The following CSMD1 variants were observed in gnomAD, a reference collection of about 807,000 sequenced individuals.
CSMD1 encodes CUB and Sushi multiple domains 1, also known as CUB and sushi domain-containing protein 1.
In CSMD1, 213 loss-of-function variants were observed where a neutral mutation model predicts 417.5. The ratio of observed to expected loss-of-function variants is 0.51; its 90% CI spans 0.46 to 0.57. The LOEUF is 0.57. CSMD1 is among the 20% of genes least tolerant of loss of function. The probability of loss-of-function intolerance (pLI) is 0.00; values close to 1 mark genes in which losing one functional copy is unlikely to be tolerated. For synonymous variants in CSMD1, 2,862 were observed against 1,736.8 expected (o/e 1.65, Z -16.11); for missense variants, 6,923 against 4,529.7 (o/e 1.53, Z -15.17).
At position 3,387,602 on chromosome 8, in the gene CSMD1, T is replaced by C; in HGVS notation, c.2674A>G (p.Arg892Gly). 2 of 1,601,770 alleles carry C rather than the reference T, an allele frequency of 1.2e-6. No individual in the cohort carries two copies. The highest frequency in any genetic ancestry group is 1.7e-6 in the Non-Finnish European group (2 of 1,174,106). ...TCACAGCTGAAAGTCACTGTGGACCTGATGCCAAAGTCTCCACCGTGGCGA... is the reference window on the plus strand; with the variant it reads ...TCACAGCTGAAAGTCACTGTGGACCCGATGCCAAAGTCTCCACCGTGGCGA... ...GHRHGGDFGI[R>G]STVTFSCDPG... Residue 892 changes from arginine (R) to glycine (G), a missense_variant, in exon 18 of 70, where the codon AGG becomes GGG. Physicochemically the swap from Arg to Gly is moderately radical, Grantham distance 125. Coordinates refer to ENST00000635120, the MANE Select transcript of CSMD1 (RefSeq NM_033225.6).
At chr8:3,677,108 A>G (rs12676229) in intron 7 of CSMD1, among the ~76,000 whole-genome samples, 66,327 of 151,878 alleles carry the variant, frequency 0.44, 14,732 homozygotes, top group Admixed American at 0.56. Flanking sequence ...ACCATGACAC[A>G]TGTAGTTCTA....
chr8:3,681,586 G>C (rs1347566080), intron 7 of CSMD1, among the ~76,000 whole-genome samples: 1 of 152,088 alleles, frequency 6.6e-6, no homozygotes, highest in South Asian at 2.1e-4. Flanking sequence ...GATAGGAAGA[G>C]TAAATATCGT....
chr8:3,316,576 C>A lies in CSMD1; in HGVS notation c.3632-8073G>T, dbSNP rs76036596. Reference sequence around the variant, plus strand: ...GGTCTAGGGGCCTCCTGGACGCCATCCACTCAGAGGGAGAACAGTCCAGGT... The same window carrying A: ...GGTCTAGGGGCCTCCTGGACGCCATACACTCAGAGGGAGAACAGTCCAGGT... On this transcript the variant is annotated intron_variant, in intron 23 of 69. Coordinates refer to ENST00000635120, the MANE Select transcript of CSMD1 (RefSeq NM_033225.6). Among the ~76,000 whole-genome samples the A allele has an allele frequency of 2.0e-3, 299 of 152,272 alleles. 6 individuals are homozygous for A. The East Asian group carries it at 0.046, about 23-fold the overall frequency.
chr8:4,304,011 G>A (rs1051988068), intron 3 of CSMD1, among the ~76,000 whole-genome samples: 5 of 152,036 alleles, frequency 3.3e-5, no homozygotes, highest in Non-Finnish European at 5.9e-5. Context: ...TCTAGGAAGC[G>A]TCCATAAAAG....
intron 3 of CSMD1, among the ~76,000 whole-genome samples, chr8:4,235,690 G>A (rs1043662202): frequency 3.9e-5 from 6 of 152,132 alleles, no homozygotes; most frequent in East Asian, 1.9e-4. Flanking sequence ...ATGTTTTCCT[G>A]AAGAATTTTA....
At chr8:3,334,020 G>C (rs986930851) in intron 23 of CSMD1, among the ~76,000 whole-genome samples, 15 of 152,280 alleles carry the variant, frequency 9.9e-5, no homozygotes, top group Non-Finnish European at 1.5e-5. Context: ...TGATGACATG[G>C]ACCCATCGTG....
chr8:4,556,817 A>G (rs1424715133), intron 2 of CSMD1, among the ~76,000 whole-genome samples: 3 of 152,190 alleles, frequency 2.0e-5, no homozygotes, highest in Admixed American at 2.0e-4. Context: ...CTCAAATCAA[A>G]CACTCATTGG....
intron 3 of CSMD1, among the ~76,000 whole-genome samples, chr8:4,136,752 G>A (rs893198385): frequency 6.6e-6 from 1 of 152,160 alleles, no homozygotes; most frequent in Non-Finnish European, 1.5e-5. Context: ...GTGTGCATGT[G>A]AATTATTTGA....
At chr8:3,934,072 G>A (rs903360922) in intron 5 of CSMD1, among the ~76,000 whole-genome samples, 5 of 152,176 alleles carry the variant, frequency 3.3e-5, no homozygotes, top group African/African-American at 9.6e-5. Flanking sequence ...TGACACCATG[G>A]CCACTATTTC....
At chr8:4,176,400 C>G (rs373690077) in intron 3 of CSMD1, among the ~76,000 whole-genome samples, 1 of 152,100 alleles carries the variant, frequency 6.6e-6, no homozygotes, top group Non-Finnish European at 1.5e-5. Context: ...TCATTTTTCC[C>G]TTTTCTCTTA....
chr8:3,341,287 T>A (rs1305664965), intron 23 of CSMD1, among the ~76,000 whole-genome samples: 1 of 152,152 alleles, frequency 6.6e-6, no homozygotes, highest in African/African-American at 2.4e-5. Context: ...AACTGCTACC[T>A]GGACAACAGA....
chr8:3,943,650 T>C (rs1811038927), intron 5 of CSMD1, among the ~76,000 whole-genome samples: 1 of 152,078 alleles, frequency 6.6e-6, no homozygotes, highest in South Asian at 2.1e-4. Flanking sequence ...TCACAATTAA[T>C]AGGACAAGTC....
At chr8:4,539,436 A>C (rs960737891) in intron 2 of CSMD1, among the ~76,000 whole-genome samples, 2 of 152,346 alleles carry the variant, frequency 1.3e-5, no homozygotes, top group Middle Eastern at 3.4e-3. Context: ...ATTTTTAGTC[A>C]GTCTTCAAAA....
chr8:3,773,923 G>C (rs1224434714), intron 5 of CSMD1, among the ~76,000 whole-genome samples: 3 of 152,164 alleles, frequency 2.0e-5, no homozygotes, highest in Admixed American at 6.5e-5. Flanking sequence ...GTGAGGTTGA[G>C]TAATTTGCAT....
intron 12 of CSMD1, among the ~76,000 whole-genome samples, chr8:3,435,009 C>G (rs372038190): frequency 1.3e-5 from 2 of 149,226 alleles, no homozygotes; most frequent in Non-Finnish European, 2.9e-5. Flanking sequence ...GGACAGGGAG[C>G]TGGTAGCAGA....
intron 3 of CSMD1, among the ~76,000 whole-genome samples, chr8:4,415,451 G>T (rs1796881753): frequency 6.8e-6 from 1 of 146,728 alleles, no homozygotes; most frequent in African/African-American, 2.5e-5. Context: ...ACGCTCTTCA[G>T]GTCGTGGCCT....
At chr8:4,798,792 A>G (rs1798120987) in intron 1 of CSMD1, among the ~76,000 whole-genome samples, 1 of 152,256 alleles carries the variant, frequency 6.6e-6, no homozygotes, top group Admixed American at 6.5e-5. Flanking sequence ...CTTCAAAAGT[A>G]GAAACTGGGA....
chr8:4,946,717 T>C (rs914404209), intron 1 of CSMD1, among the ~76,000 whole-genome samples: 7 of 152,236 alleles, frequency 4.6e-5, no homozygotes, highest in African/African-American at 1.7e-4. Context: ...AGGTTGAATA[T>C]GTGTAGTTGG....
intron 2 of CSMD1, among the ~76,000 whole-genome samples, chr8:4,527,927 G>C (rs1246686488): frequency 6.6e-6 from 1 of 152,152 alleles, no homozygotes; most frequent in Non-Finnish European, 1.5e-5. Flanking sequence ...CCTGCTTCCT[G>C]AGGGTGTGCT....
Sources: gnomAD v4.1 joint callset for allele counts (sites outside exome capture counted in the v4.1 genomes callset) on GRCh38, gnomAD v4.1.1 for gene constraint, MANE v1.5 for transcripts, NCBI Gene and HGNC (gene_info 2026-07-23, HGNC 2026-07-21) for gene names.